Variants in PSD2 observed in about 807,000 individuals in gnomAD.
The protein encoded by PSD2 is pleckstrin and Sec7 domain containing 2, also known as PH and SEC7 domain-containing protein 2.
In PSD2, 38 loss-of-function variants were observed where a neutral mutation model predicts 69.8. That is an observed-to-expected ratio of 0.54 (90% CI 0.42 to 0.71). PSD2 has a LOEUF of 0.71. Ranked by LOEUF, PSD2 falls within the 30% of genes least tolerant of loss-of-function variation. The pLI, the probability that PSD2 is intolerant of heterozygous loss-of-function variation, is 0.00. For synonymous variants in PSD2, 412 were observed against 423.0 expected, an observed-to-expected ratio of 0.97 and a Z score of 0.32; for missense variants, 943 against 1,014.5, an observed-to-expected ratio of 0.93 and a Z score of 0.96.
upstream of PSD2, among the ~76,000 whole-genome samples, chr5:139,791,475 T>G (rs1759414701): frequency 6.6e-6 from 1 of 151,048 alleles, no homozygotes; most frequent in African/African-American, 2.4e-5. Flanking sequence ...AGAAACCCAC[T>G]CAACAAACTA....
the PSD2 span, among the ~76,000 whole-genome samples, chr5:139,765,342 G>C: frequency 6.6e-6 from 1 of 151,770 alleles, no homozygotes; most frequent in Non-Finnish European, 1.5e-5. Context: ...TTTAGGCTTG[G>C]TACCACTTAA....
intron 2 of PSD2, among the ~76,000 whole-genome samples, chr5:139,810,062 G>A (rs956459063): frequency 2.0e-5 from 3 of 151,914 alleles, no homozygotes; most frequent in South Asian, 2.1e-4. Context: ...TGCAGGGGGT[G>A]GGGGGTGCTG....
At chr5:139,766,220 A>G in the PSD2 span, among the ~76,000 whole-genome samples, 1 of 152,168 alleles carries the variant, frequency 6.6e-6, no homozygotes, top group South Asian at 2.1e-4. Context: ...CTGTGATTCG[A>G]TGTGCTGTTT....
At chr5:139,812,280 G>A (rs1441388649) in intron 2 of PSD2, among the ~76,000 whole-genome samples, 1 of 152,164 alleles carries the variant, frequency 6.6e-6, no homozygotes, top group East Asian at 1.9e-4. Context: ...TCATGGTTTA[G>A]ATCGGGAGGT....
At position 139,840,056 on chromosome 5, in the gene PSD2, G is replaced by A. The variant is rs777490181; in HGVS notation, c.1998G>A (p.Lys666=). The stretch of plus-strand genomic sequence containing the variant: ...AGCAACTGCGGTCTCATGAGAATAA[G>A]TTGAGGCAGCTGACTGCGGAGCTGG... ...QEEQLRSHEN[K]LRQLTAELAE... The change falls in exon 14 of 15, where the codon AAG becomes AAA. Residue 666 remains lysine, a synonymous_variant. Transcript: ENST00000274710. 46 of 1,614,240 alleles carry A rather than the reference G, an allele frequency of 2.8e-5. No individual in the cohort carries two copies. The Admixed American group carries it at 6.5e-4, about 23-fold the overall frequency.
the PSD2 span, among the ~76,000 whole-genome samples, chr5:139,752,885 C>T: frequency 4.6e-5 from 7 of 152,156 alleles, no homozygotes; most frequent in African/African-American, 9.7e-5. Context: ...CCCCTGCCCG[C>T]GTGGGCTGCC....
the PSD2 span, among the ~76,000 whole-genome samples, chr5:139,766,920 CCTTCCTTCCCT>C: frequency 6.5e-5 from 2 of 30,920 alleles, 1 homozygote; most frequent in African/African-American, 1.9e-4. Context: ...TTCCTTCCTT[CCTTCCTTCCCT>C]TCTTTCTTTC....
At chr5:139,815,656 G>A (rs931619843) in intron 4 of PSD2, among the ~76,000 whole-genome samples, 1 of 152,104 alleles carries the variant, frequency 6.6e-6, no homozygotes, top group African/African-American at 2.4e-5. Context: ...CAGCTTCCAC[G>A]AGACTGGCCA....
the PSD2 span, among the ~76,000 whole-genome samples, chr5:139,790,251 G>A: frequency 3.3e-5 from 5 of 152,046 alleles, no homozygotes; most frequent in Admixed American, 6.6e-5. Context: ...TGATGTTTAC[G>A]GCAAAGAGGA....
At chr5:139,805,476 G>A (rs528563691) in intron 1 of PSD2, among the ~76,000 whole-genome samples, 3 of 152,304 alleles carry the variant, frequency 2.0e-5, no homozygotes, top group Non-Finnish European at 4.4e-5. Context: ...GGACACAGCC[G>A]TGAACATGAC....
chr5:139,759,485 C>G, the PSD2 span, among the ~76,000 whole-genome samples: 1 of 152,112 alleles, frequency 6.6e-6, no homozygotes, highest in Non-Finnish European at 1.5e-5. Flanking sequence ...GGCTGTCCCC[C>G]GCCCTGGGCT....
intron 2 of PSD2, among the ~76,000 whole-genome samples, chr5:139,811,784 G>A (rs1036784524): frequency 1.3e-5 from 2 of 152,062 alleles, no homozygotes; most frequent in South Asian, 2.1e-4. Flanking sequence ...TAGTAGAGAT[G>A]GGGTTTCATC....
At chr5:139,762,245 G>A in the PSD2 span, among the ~76,000 whole-genome samples, 2 of 151,876 alleles carry the variant, frequency 1.3e-5, no homozygotes. Flanking sequence ...GTTTCACCAT[G>A]TTGGTCAGGC....
At chr5:139,796,651 A>G (rs922558706) in intron 1 of PSD2, among the ~76,000 whole-genome samples, 65 of 152,310 alleles carry the variant, frequency 4.3e-4, no homozygotes, top group African/African-American at 1.3e-3. Flanking sequence ...GACTGGGGAC[A>G]ACCCTGCCCA....
chr5:139,806,768 C>T (rs1283043154), intron 1 of PSD2, among the ~76,000 whole-genome samples: 2 of 152,314 alleles, frequency 1.3e-5, no homozygotes, highest in Non-Finnish European at 2.9e-5. Flanking sequence ...AAAGCCTCCC[C>T]TTTATGCAGC....
chr5:139,814,458 G>C lies in PSD2; in HGVS notation c.1016+94G>C. ...GGGTGACCTTCTTCAGGGGTGCCAGGTGCTGGGGGGGCACTCCCAACAGTT... is the reference window on the plus strand; with the variant it reads ...GGGTGACCTTCTTCAGGGGTGCCAGCTGCTGGGGGGGCACTCCCAACAGTT... On this transcript the variant is annotated intron_variant, in intron 4 of 14. Transcript: ENST00000274710. This position sits in a 1 kb window ranked among gnomAD's most constrained non-coding sequence, Gnocchi z 4.4. The C allele has an allele frequency of 8.5e-7, 1 of 1,173,418 alleles. No homozygotes were observed. Among genetic ancestry groups the C allele is most frequent in the Non-Finnish European group, 1.2e-6 (1 of 863,302 alleles). 72.7% of individuals were successfully genotyped at this position (1,173,418 alleles called of 1,614,324 possible). A position where few individuals can be genotyped will look rare whatever the true frequency, so the allele number is the denominator to read the frequency against.
At chr5:139,753,651 G>A in the PSD2 span, among the ~76,000 whole-genome samples, 1 of 152,116 alleles carries the variant, frequency 6.6e-6, no homozygotes, top group African/African-American at 2.4e-5. Context: ...TGCTGATGCT[G>A]TTAACCCATT....
At chr5:139,787,068 G>T in the PSD2 span, among the ~76,000 whole-genome samples, 30 of 152,300 alleles carry the variant, frequency 2.0e-4, no homozygotes, top group Non-Finnish European at 4.0e-4. Flanking sequence ...CCTGGGGGGT[G>T]TGTGGGATGT....
the PSD2 span, chr5:139,743,686 GGTGGGA>G: frequency 0.054 from 8,294 of 152,646 alleles, 278 homozygotes; most frequent in Middle Eastern, 0.085. Flanking sequence ...AGGGGCGGAG[GGTGGGA>G]GCCCACACTG....
Sources: allele counts gnomAD v4.1 joint callset (sites outside exome capture counted in the v4.1 genomes callset), GRCh38; gene constraint gnomAD v4.1.1; non-coding constraint Gnocchi (gnomAD v3.1); transcripts MANE v1.5; gene names NCBI Gene and HGNC (gene_info 2026-07-23, HGNC 2026-07-21).